The following SHISA9 variants were observed in gnomAD, a reference collection of about 807,000 sequenced individuals.
The protein encoded by SHISA9 is protein shisa-9.
SHISA9 carries 13 observed loss-of-function variants against 38.0 expected under a neutral mutation model. That is an observed-to-expected ratio of 0.34 (90% CI 0.22 to 0.54). The LOEUF (loss-of-function observed/expected upper bound fraction) is 0.54. Ranked by LOEUF, SHISA9 falls within the 20% of genes least tolerant of loss-of-function variation. The pLI is 0.91. For missense variants in SHISA9, 538 were observed against 575.8 expected (o/e 0.93, Z 0.67); for synonymous variants, 275 against 242.0 (o/e 1.14, Z -1.27).
chr16:13,127,854 C>T (rs949485962), intron 2 of SHISA9, among the ~76,000 whole-genome samples: 6 of 152,234 alleles, frequency 3.9e-5, no homozygotes, highest in South Asian at 4.1e-4. Context: ...CCAGATGTAG[C>T]GCTTTGGAGA....
intron 2 of SHISA9, among the ~76,000 whole-genome samples, chr16:13,065,818 G>C (rs1156464083): frequency 6.6e-6 from 1 of 152,214 alleles, no homozygotes; most frequent in African/African-American, 2.4e-5. Flanking sequence ...GACTCTGCAG[G>C]TCTTTCATCA....
the SHISA9 span, among the ~76,000 whole-genome samples, chr16:13,377,596 C>T: frequency 4.0e-4 from 61 of 152,292 alleles, no homozygotes; most frequent in East Asian, 0.011. Flanking sequence ...CAAACACATA[C>T]GTGGTTCTCT....
At chr16:13,071,587 T>TCCGTCCTTCCTCCCTTCCTC (rs1253738049) in intron 2 of SHISA9, among the ~76,000 whole-genome samples, 1 of 142,678 alleles carries the variant, frequency 7.0e-6, no homozygotes, top group Admixed American at 7.2e-5. Flanking sequence ...CTCCCTTCCT[T>TCCGTCCTTCCTCCCTTCCTC]CCTTCCTTCC....
At chr16:13,462,738 G>A in the SHISA9 span, among the ~76,000 whole-genome samples, 2 of 151,914 alleles carry the variant, frequency 1.3e-5, no homozygotes, top group East Asian at 1.9e-4. Flanking sequence ...GAGGCGGGGG[G>A]ATCACCTGAA....
At chr16:13,253,345 C>G in the SHISA9 span, among the ~76,000 whole-genome samples, 1 of 152,082 alleles carries the variant, frequency 6.6e-6, no homozygotes. Flanking sequence ...ATCATGTCAA[C>G]GTCATCAGTG....
chr16:13,385,507 C>T, the SHISA9 span, among the ~76,000 whole-genome samples: 1 of 138,766 alleles, frequency 7.2e-6, no homozygotes, highest in Non-Finnish European at 1.6e-5. Context: ...AAATAGTACT[C>T]AGCAAAGAAA....
the SHISA9 span, among the ~76,000 whole-genome samples, chr16:13,454,064 T>C: frequency 3.1e-4 from 47 of 152,202 alleles, no homozygotes; most frequent in African/African-American, 9.9e-4. Context: ...AAGGCAGACA[T>C]ATCTACTTGA....
At chr16:13,409,463 C>T in the SHISA9 span, among the ~76,000 whole-genome samples, 2 of 152,190 alleles carry the variant, frequency 1.3e-5, no homozygotes, top group Non-Finnish European at 2.9e-5. Context: ...TAACACTTGC[C>T]CACTTGGGCT....
At chr16:13,549,363 G>C in the SHISA9 span, among the ~76,000 whole-genome samples, 2 of 151,942 alleles carry the variant, frequency 1.3e-5, no homozygotes, top group Non-Finnish European at 2.9e-5. Flanking sequence ...TGATGGATAT[G>C]GTAAATATGA....
At chr16:13,120,232 C>A (rs911436585) in intron 2 of SHISA9, among the ~76,000 whole-genome samples, 1 of 152,158 alleles carries the variant, frequency 6.6e-6, no homozygotes, top group East Asian at 1.9e-4. Flanking sequence ...CAGAGTTACT[C>A]GCCCAGGAAC....
chr16:13,084,186 C>A (rs938269978), intron 2 of SHISA9, among the ~76,000 whole-genome samples: 1 of 152,146 alleles, frequency 6.6e-6, no homozygotes, highest in Non-Finnish European at 1.5e-5. Context: ...CAGAAAAGAC[C>A]AAGCAATCCA....
chr16:13,458,087 T>C, the SHISA9 span, among the ~76,000 whole-genome samples: 11 of 152,168 alleles, frequency 7.2e-5, no homozygotes, highest in East Asian at 7.7e-4. Flanking sequence ...TGAACCTATA[T>C]TGAGCACCTA....
At chr16:13,139,317 C>G (rs897762285) in intron 2 of SHISA9, among the ~76,000 whole-genome samples, 4 of 148,648 alleles carry the variant, frequency 2.7e-5, no homozygotes, top group Non-Finnish European at 5.9e-5. Context: ...TCCATCCCCT[C>G]CTCTCACTTG....
At chr16:12,916,553 C>A in intron 1 of SHISA9, 135 bp from the exon 2 acceptor site, 1 of 1,059,006 alleles carries the variant, frequency 9.4e-7, no homozygotes, top group Non-Finnish European at 1.3e-6. Flanking sequence ...TTTTTCTCTA[C>A]TCCACCCCTA....
the SHISA9 span, among the ~76,000 whole-genome samples, chr16:13,560,526 C>T: frequency 1.3e-5 from 2 of 152,122 alleles, no homozygotes; most frequent in African/African-American, 4.8e-5. Context: ...AGGCCAGACA[C>T]CTCCAACGAA....
intron 2 of SHISA9, among the ~76,000 whole-genome samples, chr16:12,938,254 C>G (rs1313258107): frequency 6.6e-6 from 1 of 152,180 alleles, no homozygotes; most frequent in Non-Finnish European, 1.5e-5. Flanking sequence ...AGCTCAGCAG[C>G]CTGGGGGAAT....
chr16:13,432,894 A>G, the SHISA9 span, among the ~76,000 whole-genome samples: 8 of 152,268 alleles, frequency 5.3e-5, no homozygotes, highest in Non-Finnish European at 1.5e-5. Context: ...GAAGGTAACA[A>G]CATACCCTGG....
intron 2 of SHISA9, among the ~76,000 whole-genome samples, chr16:12,932,212 G>A (rs756039460): frequency 5.9e-5 from 9 of 152,152 alleles, no homozygotes; most frequent in Non-Finnish European, 1.2e-4. Context: ...TTTATTAGCA[G>A]CATGAGAACA....
intron 2 of SHISA9, among the ~76,000 whole-genome samples, chr16:12,939,757 G>A (rs1428663433): frequency 6.6e-6 from 1 of 152,210 alleles, no homozygotes; most frequent in Non-Finnish European, 1.5e-5. Flanking sequence ...AGAGAGGATA[G>A]ATGTGATTCA....
Sources: allele counts gnomAD v4.1 joint callset (sites outside exome capture counted in the v4.1 genomes callset), GRCh38; gene constraint gnomAD v4.1.1; transcripts MANE v1.5; gene names NCBI Gene and HGNC (gene_info 2026-07-23, HGNC 2026-07-21).